GNG7: variants seen among roughly 807,000 people sequenced by gnomAD.
The protein encoded by GNG7 is guanine nucleotide-binding protein G(I)/G(S)/G(O) subunit gamma-7.
Under a neutral mutation model 4.0 loss-of-function variants are expected in GNG7, and 1 was observed. The ratio of observed to expected loss-of-function variants is 0.25; its 90% CI spans 0.09 to 1.18. The LOEUF (loss-of-function observed/expected upper bound fraction) is 1.18, where lower values mean the gene tolerates loss of function less well. GNG7 is among the 50% of genes most tolerant of loss of function. The pLI, the probability that GNG7 is intolerant of heterozygous loss-of-function variation, is 0.50. For missense variants in GNG7, 86 were observed against 91.9 expected (o/e 0.94, Z 0.26); for synonymous variants, 34 against 36.9 (o/e 0.92, Z 0.29).
chr19:2,665,821 TTTA>T lies in GNG7; in HGVS notation c.-134-19544_-134-19542del, dbSNP rs766650992. ...GCCATGGGTCATGGCACATACTGGC[TTTA>T]TTATTTAGAACCTGGATTACCTCCT... On this transcript the variant is annotated intron_variant, in intron 1 of 4. Coordinates refer to ENST00000382159, the MANE Select transcript of GNG7 (RefSeq NM_052847.3). Among the ~76,000 whole-genome samples the T allele has an allele frequency of 5.9e-5, 9 of 152,338 alleles. No homozygotes were observed. The East Asian group carries it at 1.7e-3, about 29-fold the overall frequency.
intron 2 of GNG7, among the ~76,000 whole-genome samples, chr19:2,568,179 A>G (rs1305441407): frequency 1.3e-5 from 2 of 151,046 alleles, no homozygotes; most frequent in Admixed American, 1.3e-4. Flanking sequence ...ACACACATAC[A>G]CACATGCACA....
Position 2,513,304 on chromosome 19 carries a change from C to T in GNG7, c.*1718G>A, listed in dbSNP as rs1350808066. On this transcript the variant is annotated 3_prime_UTR_variant, in exon 5 of 5. Coordinates refer to ENST00000382159, the MANE Select transcript of GNG7 (RefSeq NM_052847.3). ...CTTAGACGCCTGTCTCCACTGGGGC[C>T]GGAGGGACAGGACTAGGCTAGTTTT... The T allele has an allele frequency of 6.1e-6, 2 of 329,690 alleles. No individual in the cohort carries two copies. Among genetic ancestry groups the T allele is most frequent in the Non-Finnish European group, 8.7e-6 (2 of 230,552 alleles). 20.4% of individuals were successfully genotyped at this position (329,690 alleles called of 1,614,324 possible). A position where few individuals can be genotyped will look rare whatever the true frequency, so the allele number is the denominator to read the frequency against.
intron 1 of GNG7, among the ~76,000 whole-genome samples, chr19:2,658,256 A>G (rs954461474): frequency 1.3e-5 from 2 of 152,180 alleles, no homozygotes; most frequent in Non-Finnish European, 2.9e-5. Context: ...AGTATCTTAC[A>G]TCTGGGGTCT....
At chr19:2,655,560 C>T (rs112018839) in intron 1 of GNG7, among the ~76,000 whole-genome samples, 7,240 of 151,756 alleles carry the variant, frequency 0.048, 580 homozygotes, top group African/African-American at 0.17. Context: ...AAAATTAGGC[C>T]GGGTGCGGTG....
intron 2 of GNG7, among the ~76,000 whole-genome samples, chr19:2,597,016 TTG>T (rs1379849075): frequency 2.0e-5 from 3 of 151,954 alleles, no homozygotes; most frequent in Non-Finnish European, 4.4e-5. Flanking sequence ...CCCAGCACTT[TTG>T]GAGGCTGAGG....
intron 2 of GNG7, among the ~76,000 whole-genome samples, chr19:2,575,736 CGCACACGCAG>C (rs1255710137): frequency 2.5e-5 from 2 of 80,728 alleles, no homozygotes; most frequent in Non-Finnish European, 4.4e-5. Context: ...CGCAGGCACA[CGCACACGCAG>C]GCACACGCAG....
At chr19:2,568,735 T>C (rs570111617) in intron 2 of GNG7, among the ~76,000 whole-genome samples, 3 of 73,372 alleles carry the variant, frequency 4.1e-5, no homozygotes, top group South Asian at 9.0e-4. Flanking sequence ...CAGACACATA[T>C]ACATACATAC....
intron 3 of GNG7, among the ~76,000 whole-genome samples, chr19:2,552,157 G>A (rs930760139): frequency 5.9e-5 from 9 of 152,048 alleles, no homozygotes; most frequent in Middle Eastern, 3.4e-3. Context: ...TAATGGCCTC[G>A]ACTGGCCAAC....
chr19:2,678,067 G>A (rs1187150687), intron 1 of GNG7, among the ~76,000 whole-genome samples: 1 of 152,178 alleles, frequency 6.6e-6, no homozygotes, highest in East Asian at 1.9e-4. Context: ...ACCACCAGTG[G>A]CCTCTGTGTG....
In GNG7 at chr19:2,512,765, G is replaced by A. The variant is rs909888975; in HGVS notation, c.*2257C>T. The A allele has an allele frequency of 1.4e-5, 5 of 359,892 alleles. No individual in the cohort carries two copies. Among genetic ancestry groups the A allele is most frequent in the Non-Finnish European group, 1.9e-5 (5 of 258,254 alleles). The allele number at this position is 359,892 out of a possible 1,614,324, so 22.3% of individuals were successfully genotyped here. On this transcript the variant is annotated 3_prime_UTR_variant, in exon 5 of 5. Transcript: ENST00000382159. This position sits in a 1 kb window ranked among gnomAD's most constrained non-coding sequence, Gnocchi z 4.7. ...GCCTCTTTTAAGGAAAAACGGGGTG[G>A]GGTGTGTTTGTTCCCAGTTACCAAG... is the stretch of plus-strand genomic sequence containing the variant.
intron 2 of GNG7, chr19:2,610,820 AAAGCGGCCTCAGGGACCC>A (rs1212194735): frequency 6.6e-6 from 1 of 151,908 alleles, no homozygotes; most frequent in Non-Finnish European, 1.5e-5. Context: ...GGTTTGAACC[AAAGCGGCCTCAGGGACCC>A]AGGTGGCCCC....
chr19:2,682,422 C>T (rs1330063735), intron 1 of GNG7, among the ~76,000 whole-genome samples: 2 of 151,140 alleles, frequency 1.3e-5, no homozygotes, highest in African/African-American at 2.4e-5. Context: ...CCCAGCATTT[C>T]GGGAGGCCAA....
At chr19:2,662,115 C>G (rs1168852437) in intron 1 of GNG7, among the ~76,000 whole-genome samples, 1 of 151,914 alleles carries the variant, frequency 6.6e-6, no homozygotes, top group Non-Finnish European at 1.5e-5. Context: ...CAAAAATTAG[C>G]CAGGCGTGGT....
intron 2 of GNG7, among the ~76,000 whole-genome samples, chr19:2,624,251 C>T (rs542029013): frequency 3.3e-5 from 5 of 152,036 alleles, no homozygotes; most frequent in South Asian, 2.1e-4. Flanking sequence ...AAGAAAGGGC[C>T]GGGCGCGGTG....
chr19:2,560,683 G>A (rs956602118), intron 2 of GNG7, among the ~76,000 whole-genome samples: 13 of 152,108 alleles, frequency 8.5e-5, no homozygotes, highest in African/African-American at 2.4e-4. Flanking sequence ...AAAGCTGGGC[G>A]CGGTGGCTCA....
intron 2 of GNG7, among the ~76,000 whole-genome samples, chr19:2,585,997 G>T (rs904328962): frequency 1.3e-5 from 2 of 152,150 alleles, no homozygotes; most frequent in African/African-American, 4.8e-5. Context: ...GCCGTGCCCC[G>T]GCCAAAATGT....
In GNG7 at chr19:2,618,340, G is replaced by GT. The variant is rs1981775014; in HGVS notation, c.-78+27883dup. Among the ~76,000 whole-genome samples the GT allele has an allele frequency of 7.0e-6, 1 of 143,028 alleles. No individual in the cohort carries two copies. The highest frequency in any genetic ancestry group is 1.5e-5 in the Non-Finnish European group (1 of 66,584). The allele number at this position is 143,028 out of a possible 152,430, so 93.8% of individuals were successfully genotyped here. A position where few individuals can be genotyped will look rare whatever the true frequency, so the allele number is the denominator to read the frequency against. On this transcript the variant is annotated intron_variant, in intron 2 of 4. Coordinates refer to ENST00000382159, the MANE Select transcript of GNG7 (RefSeq NM_052847.3). This position sits in a 1 kb window ranked among gnomAD's most constrained non-coding sequence, Gnocchi z 5.1. ...TTTTCTCTTTTCTACCTGTATGTGT[G>GT]TGGTGTGTGTGTGTGTGTGTGTGTG...
chr19:2,648,326 G>T (rs1314839035), intron 1 of GNG7, among the ~76,000 whole-genome samples: 1 of 151,780 alleles, frequency 6.6e-6, no homozygotes, highest in Non-Finnish European at 1.5e-5. Context: ...AGCCCAGGAG[G>T]TCGAGGCTGC....
intron 1 of GNG7, among the ~76,000 whole-genome samples, chr19:2,657,341 AAAAAAAAAAAAAAAAAAAAAATAT>A (rs1181950709): frequency 1.0e-4 from 1 of 9,882 alleles, no homozygotes; most frequent in Non-Finnish European, 2.2e-4. Context: ...CTCAATTAAA[AAAAAAAAAAAAAAAAAAAAAATAT>A]ATATATATAT....
Sources: allele counts gnomAD v4.1 joint callset (sites outside exome capture counted in the v4.1 genomes callset), GRCh38; gene constraint gnomAD v4.1.1; non-coding constraint Gnocchi (gnomAD v3.1); transcripts MANE v1.5; gene names NCBI Gene and HGNC (gene_info 2026-07-23, HGNC 2026-07-21).